Variants in PAPPA2 observed in about 807,000 individuals in gnomAD.
PAPPA2 encodes pappalysin 2.
In PAPPA2, 86 loss-of-function variants were observed where a neutral mutation model predicts 176.4. The observed-to-expected ratio is 0.49, with a 90% CI of 0.41 to 0.58. PAPPA2 has a LOEUF of 0.58. Ranked by LOEUF, PAPPA2 falls within the 20% of genes least tolerant of loss-of-function variation. PAPPA2 has a pLI of 0.00. For synonymous variants in PAPPA2, 809 were observed against 852.2 expected (o/e 0.95, Z 0.88); for missense variants, 2,073 against 2,256.9 (o/e 0.92, Z 1.65).
At chr1:176,691,112 G>A (rs768433280) in intron 5 of PAPPA2, 2 of 985,014 alleles carry the variant, frequency 2.0e-6, no homozygotes, top group Non-Finnish European at 2.4e-6. Flanking sequence ...TGTCTCTCAC[G>A]CCTTCCTTGT....
Position 176,699,412 on chromosome 1 carries a change from T to A in PAPPA2, c.3059T>A (p.Val1020Glu). ...CACGTGGATGGGAAGGTGTCGGGGG[T>A]GAAAGTCTACACCTTTGATGAGAGG... ...KLHVDGKVSG[V>E]KVYTFDERIE... The change falls in exon 8 of 23, where the codon GTG becomes GAG. Residue 1020 changes from valine to glutamate, a missense_variant. Val to Glu is a moderately radical substitution (Grantham distance 121). Transcript: ENST00000367662. 6.2e-7 allele frequency: 1 copy of A among 1,613,958 alleles called. No homozygotes were observed. The highest frequency in any genetic ancestry group is 8.5e-7 in the Non-Finnish European group (1 of 1,179,974).
At chr1:176,528,658 C>T (rs79322841) in intron 1 of PAPPA2, among the ~76,000 whole-genome samples, 2 of 152,334 alleles carry the variant, frequency 1.3e-5, no homozygotes, top group South Asian at 2.1e-4. Context: ...GATTTACATA[C>T]GGCACCAATT....
At chr1:176,811,755 C>T (rs760441909) in intron 21 of PAPPA2, among the ~76,000 whole-genome samples, 11 of 152,108 alleles carry the variant, frequency 7.2e-5, no homozygotes, top group South Asian at 2.1e-4. Context: ...CCTAAAATCC[C>T]GGCATGTCTT....
At chr1:176,522,563 A>C (rs1649271027) in intron 1 of PAPPA2, among the ~76,000 whole-genome samples, 1 of 152,252 alleles carries the variant, frequency 6.6e-6, no homozygotes, top group Admixed American at 6.5e-5. Context: ...TTATAGTAAT[A>C]AAATCAGTCT....
intron 21 of PAPPA2, among the ~76,000 whole-genome samples, chr1:176,800,757 A>G (rs909892063): frequency 2.0e-5 from 3 of 152,120 alleles, no homozygotes; most frequent in African/African-American, 7.2e-5. Flanking sequence ...CCCTATGGCT[A>G]CTTACCTGGT....
chr1:176,805,867 G>T (rs1665881262), intron 21 of PAPPA2, among the ~76,000 whole-genome samples: 1 of 151,680 alleles, frequency 6.6e-6, no homozygotes, highest in African/African-American at 2.4e-5. Flanking sequence ...ATTCACCTGT[G>T]GTCCCCAGAT....
In PAPPA2 at chr1:176,595,539, C is replaced by T. The variant is rs1189384292; in HGVS notation, c.1935C>T (p.Cys645=). 3.7e-6 allele frequency: 6 copies of T among 1,614,014 alleles called. No individual in the cohort carries two copies. Among genetic ancestry groups the T allele is most frequent in the African/African-American group, 2.7e-5 (2 of 74,924 alleles). ...MLNDFDDGDC[C]DPQVADVRKT... ...ACGACTTTGACGACGGAGACTGCTG[C>T]GACCCCCAGGTGGCTGATGTGCGCA... is the stretch of plus-strand genomic sequence containing the variant. The change falls in exon 3 of 23, where the codon TGC becomes TGT. Residue 645 remains cysteine, a synonymous_variant. Coordinates refer to ENST00000367662, the MANE Select transcript of PAPPA2 (RefSeq NM_020318.3).
intron 4 of PAPPA2, among the ~76,000 whole-genome samples, chr1:176,684,676 G>C (rs116335437): frequency 0.019 from 2,837 of 151,810 alleles, 56 homozygotes; most frequent in African/African-American, 0.049. Context: ...CCCATAACTA[G>C]AGAGTTGGAA....
At chr1:176,805,396 T>C (rs2102955110) in intron 21 of PAPPA2, among the ~76,000 whole-genome samples, 1 of 152,282 alleles carries the variant, frequency 6.6e-6, no homozygotes, top group East Asian at 1.9e-4. Context: ...AGTTTTGATC[T>C]CTTCAACTCT....
chr1:176,648,125 T>C (rs1044741833), intron 3 of PAPPA2, among the ~76,000 whole-genome samples: 9 of 151,578 alleles, frequency 5.9e-5, no homozygotes, highest in Non-Finnish European at 8.9e-5. Context: ...CAGTGTTTTT[T>C]ATAGTTTTTT....
intron 3 of PAPPA2, among the ~76,000 whole-genome samples, chr1:176,612,182 C>A (rs1654964820): frequency 6.6e-6 from 1 of 152,024 alleles, no homozygotes; most frequent in Non-Finnish European, 1.5e-5. Flanking sequence ...TCACATGAGA[C>A]CAGGCGTTTG....
chr1:176,735,724 CTATCTATCT>C (rs1662376995), intron 12 of PAPPA2, among the ~76,000 whole-genome samples: 1 of 146,100 alleles, frequency 6.8e-6, no homozygotes, highest in African/African-American at 2.5e-5. Context: ...ATCTATCTAT[CTATCTATCT>C]ATCTATCATC....
At chr1:176,802,189 C>T (rs1257891336) in intron 21 of PAPPA2, among the ~76,000 whole-genome samples, 3 of 152,112 alleles carry the variant, frequency 2.0e-5, no homozygotes, top group Non-Finnish European at 4.4e-5. Context: ...CCGCCCCAAC[C>T]GAGAGTTTGT....
chr1:176,542,466 T>C (rs989337905), intron 1 of PAPPA2, among the ~76,000 whole-genome samples: 2 of 152,196 alleles, frequency 1.3e-5, no homozygotes. Context: ...TGCTGAGAAA[T>C]GTTCTTTGTT....
intron 21 of PAPPA2, among the ~76,000 whole-genome samples, chr1:176,807,591 G>T (rs1665960229): frequency 6.6e-6 from 1 of 151,482 alleles, no homozygotes; most frequent in South Asian, 2.1e-4. Context: ...TGCCTCCCAG[G>T]TTCAAGCGAT....
intron 11 of PAPPA2, among the ~76,000 whole-genome samples, chr1:176,710,585 T>A (rs1166300177): frequency 2.6e-5 from 4 of 152,172 alleles, no homozygotes; most frequent in Non-Finnish European, 5.9e-5. Context: ...AGATAGAAGA[T>A]CCTCTGACGG....
intron 1 of PAPPA2, among the ~76,000 whole-genome samples, chr1:176,469,662 G>A (rs1363842361): frequency 1.3e-5 from 2 of 152,184 alleles, no homozygotes; most frequent in African/African-American, 4.8e-5. Flanking sequence ...GACTGCTTTT[G>A]ATAACATCCA....
At chr1:176,732,940 A>T (rs1292781204) in intron 12 of PAPPA2, among the ~76,000 whole-genome samples, 1 of 152,176 alleles carries the variant, frequency 6.6e-6, no homozygotes, top group Non-Finnish European at 1.5e-5. Context: ...GGGTGAAAGA[A>T]TATTGCCCCC....
intron 12 of PAPPA2, among the ~76,000 whole-genome samples, chr1:176,718,912 T>C (rs1299327568): frequency 2.6e-5 from 4 of 152,192 alleles, no homozygotes; most frequent in African/African-American, 9.6e-5. Flanking sequence ...GTCCATTGTG[T>C]TGTTGAAATT....
Sources: gnomAD v4.1 joint callset for allele counts (sites outside exome capture counted in the v4.1 genomes callset) on GRCh38, gnomAD v4.1.1 for gene constraint, MANE v1.5 for transcripts, NCBI Gene and HGNC (gene_info 2026-07-23, HGNC 2026-07-21) for gene names.